FEM1C: variants seen among roughly 807,000 people sequenced by gnomAD.
FEM1C encodes fem-1 homolog C.
FEM1C carries 15 observed loss-of-function variants against 37.6 expected under a neutral mutation model. That is an observed-to-expected ratio of 0.40 (90% CI 0.27 to 0.61). The LOEUF (loss-of-function observed/expected upper bound fraction) is 0.61, where lower values mean the gene tolerates loss of function less well. Ranked by LOEUF, FEM1C falls within the 20% of genes least tolerant of loss-of-function variation. FEM1C has a pLI of 0.42. For missense variants in FEM1C, 532 were observed against 749.7 expected (o/e 0.71, Z 3.39); for synonymous variants, 287 against 272.8 (o/e 1.05, Z -0.51).
intron 2 of FEM1C, among the ~76,000 whole-genome samples, chr5:115,539,658 C>T (rs1194882689): frequency 6.6e-6 from 1 of 152,080 alleles, no homozygotes; most frequent in South Asian, 2.1e-4. Context: ...ACTACTGTTG[C>T]ACTTACCATA....
chr5:115,525,268 A>G lies in FEM1C; in HGVS notation c.894T>C (p.Tyr298=), dbSNP rs1278312150. The change falls in exon 3 of 3, where the codon TAT becomes TAC. Residue 298 remains tyrosine (Y), a synonymous_variant. Coordinates refer to ENST00000274457, the MANE Select transcript of FEM1C (RefSeq NM_020177.3). ...VPQTLIMAYD[Y]AKEVNSAEEL... Reference sequence around the variant, plus strand: ...CTTCTGCACTGTTCACTTCCTTGGCATAATCATAAGCCATTATTAGTGTCT... The same window carrying G: ...CTTCTGCACTGTTCACTTCCTTGGCGTAATCATAAGCCATTATTAGTGTCT... 6.2e-7 allele frequency: 1 copy of G among 1,613,748 alleles called. No homozygotes were observed. The highest frequency in any genetic ancestry group is 1.7e-5 in the Admixed American group (1 of 59,958).
In FEM1C at chr5:115,544,081, C is replaced by T. The variant is rs1754302408; in HGVS notation, c.-190-398G>A. The stretch of plus-strand genomic sequence containing the variant: ...ACTGCAGGAGAGCTGGCCAAGGGCG[C>T]CAGGCTGGAAGGCCTGAGGCCGGGT... On this transcript the variant is annotated intron_variant, in intron 1 of 2. Coordinates refer to ENST00000274457, the MANE Select transcript of FEM1C (RefSeq NM_020177.3). The T allele has an allele frequency of 3.0e-6, 3 of 985,256 alleles. No homozygotes were observed. The Admixed American group carries it at 1.8e-4, about 61-fold the overall frequency. The allele number at this position is 985,256 out of a possible 1,614,324, so 61.0% of individuals were successfully genotyped here.
rs1205634047 is a variant in FEM1C, at chr5:115,522,278, C to T, written c.*2030G>A. 6.6e-6 allele frequency: 1 copy of T among 151,866 alleles called. No individual in the cohort carries two copies. The highest frequency in any genetic ancestry group is 1.5e-5 in the Non-Finnish European group (1 of 67,858). 9.4% of individuals were successfully genotyped at this position (151,866 alleles called of 1,614,324 possible). ...AGCTTATTCATATATAATTCTTATA[C>T]CACAAAGTTAGAGGCAGATGATTTC... On this transcript the variant is annotated 3_prime_UTR_variant, in exon 3 of 3. Coordinates refer to ENST00000274457, the MANE Select transcript of FEM1C (RefSeq NM_020177.3).
At chr5:115,535,334 A>G (rs949163355) in intron 2 of FEM1C, among the ~76,000 whole-genome samples, 5 of 151,512 alleles carry the variant, frequency 3.3e-5, no homozygotes, top group African/African-American at 1.2e-4. Context: ...TGCAAATGAT[A>G]TATCTGATAA....
chr5:115,528,058 T>C (rs1291191137), intron 2 of FEM1C, among the ~76,000 whole-genome samples: 1 of 148,878 alleles, frequency 6.7e-6, no homozygotes, highest in African/African-American at 2.5e-5. Context: ...TATTTCTGTA[T>C]TTATCGAAAA....
intron 1 of FEM1C, 125 bp downstream of exon 1, chr5:115,544,398 C>G (rs1754312186): frequency 6.4e-6 from 1 of 156,500 alleles, no homozygotes. Flanking sequence ...CCCGATGGGC[C>G]AAGCTGTGGC....
intron 2 of FEM1C, among the ~76,000 whole-genome samples, chr5:115,542,096 A>G (rs760966496): frequency 6.6e-6 from 1 of 152,192 alleles, no homozygotes. Context: ...GATTCGTGTA[A>G]GGGAAGTTAA....
chr5:115,542,836 A>C (rs1275607159), intron 2 of FEM1C, 114 bp downstream of exon 2: 1 of 1,260,260 alleles, frequency 7.9e-7, no homozygotes, highest in Non-Finnish European at 1.1e-6. Context: ...AGACTTACCT[A>C]ATCAAAACAG....
chr5:115,540,795 A>T (rs189542406), intron 2 of FEM1C, among the ~76,000 whole-genome samples: 4 of 152,108 alleles, frequency 2.6e-5, no homozygotes, highest in African/African-American at 9.7e-5. Context: ...AACATATCCC[A>T]ATTTGACTTA....
Position 115,543,329 on chromosome 5 carries a change from G to A in FEM1C, c.165C>T (p.Asp55=). 1 of 1,614,196 alleles carries A rather than the reference G, an allele frequency of 6.2e-7. No homozygotes were observed. The highest frequency in any genetic ancestry group is 8.5e-7 in the Non-Finnish European group (1 of 1,180,042). The change falls in exon 2 of 3, where the codon GAC becomes GAT. Residue 55 remains aspartate (D), a synonymous_variant. Transcript: ENST00000274457. ...LLMAARYGHL[D]MVEFLLEQCS... ...ATTGCTCTAGGAGGAATTCCACCAT[G>A]TCAAGGTGCCCATACCTGGCGGCCA... is the stretch of plus-strand genomic sequence containing the variant.
In FEM1C at chr5:115,524,680, A is replaced by C. The variant is rs1753849589; in HGVS notation, c.1482T>G (p.Thr494=). The C allele has an allele frequency of 6.5e-7, 1 of 1,548,910 alleles. No individual in the cohort carries two copies. The highest frequency in any genetic ancestry group is 1.4e-5 in the African/African-American group (1 of 72,656). ...AAACAGGGTACCGCCCTACACATGT[A>C]GTATTCTTGTCCACAGCCAGATGAA... ...SPLHLAVDKN[T]TCVGRYPVCK... is the part of the protein sequence containing the mutation. Residue 494 remains threonine (T), a synonymous_variant, in exon 3 of 3, where the codon ACT becomes ACG. Transcript: ENST00000274457.
At chr5:115,529,211 GA>G (rs1244745973) in intron 2 of FEM1C, among the ~76,000 whole-genome samples, 1 of 151,298 alleles carries the variant, frequency 6.6e-6, no homozygotes, top group Admixed American at 6.6e-5. Context: ...CAAACTCCAA[GA>G]AGGACAAATA....
At chr5:115,535,284 T>TAAAAA (rs5870660) in intron 2 of FEM1C, among the ~76,000 whole-genome samples, 1 of 140,030 alleles carries the variant, frequency 7.1e-6, no homozygotes, top group African/African-American at 2.6e-5. Flanking sequence ...TCAAAAAAGT[T>TAAAAA]AAAAAAAAAA....
intron 2 of FEM1C, among the ~76,000 whole-genome samples, chr5:115,526,058 G>A (rs1417847048): frequency 1.3e-5 from 2 of 150,946 alleles, no homozygotes; most frequent in Admixed American, 6.6e-5. Flanking sequence ...ACCAGGTCTT[G>A]CTATGTTGCC....
At position 115,543,649 on chromosome 5, in the gene FEM1C, A is replaced by C; in HGVS notation, c.-156T>G. ...AACCACGAAGAGTATGTTCCGTCCT[A>C]CTGCTTTCCAACATCTGACAACCAG... On this transcript the variant is annotated 5_prime_UTR_variant, in exon 2 of 3. Coordinates refer to ENST00000274457, the MANE Select transcript of FEM1C (RefSeq NM_020177.3). The C allele has an allele frequency of 7.2e-7, 1 of 1,388,286 alleles. No homozygotes were observed. The highest frequency in any genetic ancestry group is 9.3e-7 in the Non-Finnish European group (1 of 1,076,446). 86.0% of individuals were successfully genotyped at this position (1,388,286 alleles called of 1,614,324 possible).
chr5:115,532,610 T>G (rs1754040222), intron 2 of FEM1C, among the ~76,000 whole-genome samples: 1 of 152,092 alleles, frequency 6.6e-6, no homozygotes, highest in Admixed American at 6.6e-5. Context: ...TTTTATATAG[T>G]ATGCTTTGAC....
chr5:115,529,570 C>T lies in FEM1C; in HGVS notation c.545-3953G>A, dbSNP rs536011102. Among the ~76,000 whole-genome samples, 123 of 152,068 alleles carry T rather than the reference C, an allele frequency of 8.1e-4. 1 individual carries two copies. The highest frequency in any genetic ancestry group is 3.4e-3 in the Middle Eastern group (1 of 294). On this transcript the variant is annotated intron_variant, in intron 2 of 2. Transcript: ENST00000274457. The stretch of plus-strand genomic sequence containing the variant: ...CTTTAGGCAGAAGGAAGATGAGCCA[C>T]GTGGAAGCCTGGAGATATAGGCAAA...
chr5:115,530,640 CA>C (rs1753996270), intron 2 of FEM1C, among the ~76,000 whole-genome samples: 2 of 152,100 alleles, frequency 1.3e-5, no homozygotes, highest in African/African-American at 4.8e-5. Context: ...CAAGTCTCAA[CA>C]AATGTCAAGG....
rs544349970 is a variant in FEM1C at position 115,535,037 on chromosome 5, C to G, written c.544+7913G>C. On this transcript the variant is annotated intron_variant, in intron 2 of 2. Coordinates refer to ENST00000274457, the MANE Select transcript of FEM1C (RefSeq NM_020177.3). ...CATATAGAAATAAAATTGTATCATT[C>G]CTCTTTACTCTAAGTTTAACCATAT... 4.0e-5 allele frequency among the ~76,000 whole-genome samples: 6 copies of G among 151,876 alleles called. No homozygotes were observed. In the East Asian group the frequency reaches 1.2e-3, roughly 29 times the overall value.
Sources: gnomAD v4.1 joint callset for allele counts (sites outside exome capture counted in the v4.1 genomes callset) on GRCh38, gnomAD v4.1.1 for gene constraint, MANE v1.5 for transcripts, NCBI Gene and HGNC (gene_info 2026-07-23, HGNC 2026-07-21) for gene names.